Variants in BRWD1 observed in about 807,000 individuals in gnomAD.
BRWD1 encodes bromodomain and WD repeat-containing protein 1.
In BRWD1, 82 loss-of-function variants were observed where a neutral mutation model predicts 251.2. The ratio of observed to expected loss-of-function variants is 0.33; its 90% CI spans 0.27 to 0.39. The LOEUF is 0.39. Ranked by LOEUF, BRWD1 falls within the 10% of genes least tolerant of loss-of-function variation. The probability of loss-of-function intolerance (pLI) is 1.00; values close to 1 mark genes in which losing one functional copy is unlikely to be tolerated. For missense variants in BRWD1, 2,233 were observed against 2,711.6 expected (o/e 0.82, Z 3.92); for synonymous variants, 918 against 902.8 (o/e 1.02, Z -0.30).
At chr21:39,313,136 C>T (rs2036568776) in intron 2 of BRWD1, 35 bp from the exon 3 acceptor site, 2 of 1,495,108 alleles carry the variant, frequency 1.3e-6, no homozygotes, top group Non-Finnish European at 1.8e-6. Context: ...GGGGTGGGGT[C>T]GGGCCCGGGG....
At chr21:39,279,889 T>C (rs570999406) in intron 9 of BRWD1, among the ~76,000 whole-genome samples, 2 of 152,284 alleles carry the variant, frequency 1.3e-5, no homozygotes, top group East Asian at 3.9e-4. Flanking sequence ...ATACCTATTA[T>C]TTTAAATGCC....
intron 11 of BRWD1, 146 bp downstream of exon 11, chr21:39,277,105 T>C (rs190993030): frequency 1.5e-5 from 7 of 472,440 alleles, no homozygotes; most frequent in Non-Finnish European, 2.2e-5. Context: ...TAAAACTTAA[T>C]ACCATCAAAA....
chr21:39,310,254 G>A (rs1188730426), intron 4 of BRWD1, among the ~76,000 whole-genome samples: 2 of 152,186 alleles, frequency 1.3e-5, no homozygotes, highest in African/African-American at 2.4e-5. Flanking sequence ...AGTGGCTCAC[G>A]CCTGTAATCC....
chr21:39,202,072 C>T (rs1169487895), intron 38 of BRWD1, among the ~76,000 whole-genome samples: 1 of 152,256 alleles, frequency 6.6e-6, no homozygotes, highest in Non-Finnish European at 1.5e-5. Context: ...ACTTCAAATG[C>T]TGCACACCAA....
upstream of BRWD1, among the ~76,000 whole-genome samples, chr21:39,316,851 T>A (rs1299682154): frequency 7.2e-6 from 1 of 138,848 alleles, no homozygotes; most frequent in Non-Finnish European, 1.6e-5. Context: ...GGCATGAGAA[T>A]GGCTAGAGCC....
At chr21:39,215,423 A>T in intron 31 of BRWD1, 61 bp from the exon 32 acceptor site, 1 of 1,439,892 alleles carries the variant, frequency 6.9e-7, no homozygotes, top group Non-Finnish European at 9.6e-7. Context: ...CCAAGTGAAA[A>T]AATGCAGCAT....
chr21:39,312,740 C>A, intron 4 of BRWD1, 101 bp downstream of exon 4: 2 of 882,812 alleles, frequency 2.3e-6, no homozygotes, highest in East Asian at 3.6e-5. Flanking sequence ...CAGTGCGGGT[C>A]ACACTTTGCA....
intron 33 of BRWD1, 55 bp downstream of exon 33, chr21:39,213,413 ATTTTCTTCACTTT>A: frequency 2.5e-6 from 1 of 408,122 alleles, no homozygotes; most frequent in South Asian, 4.9e-5. Flanking sequence ...CAAAGCCAAC[ATTTTCTTCACTTT>A]AAAAATACCA....
intron 8 of BRWD1, among the ~76,000 whole-genome samples, chr21:39,286,083 C>T (rs1286724289): frequency 1.5e-5 from 2 of 133,490 alleles, no homozygotes; most frequent in East Asian, 2.2e-4. Context: ...GGTGCGATCT[C>T]GGCTCACTGC....
intron 8 of BRWD1, among the ~76,000 whole-genome samples, chr21:39,281,356 TC>T (rs373806972): frequency 2.6e-3 from 398 of 152,202 alleles, no homozygotes; most frequent in African/African-American, 9.1e-3. Context: ...TCCACCCTTC[TC>T]CCCCTAGAAT....
At position 39,278,760 on chromosome 21, in the gene BRWD1, C is replaced by A; in HGVS notation, c.986G>T (p.Cys329Phe). 6.3e-7 allele frequency: 1 copy of A among 1,586,650 alleles called. No individual in the cohort carries two copies. Among genetic ancestry groups the A allele is most frequent in the Non-Finnish European group, 8.5e-7 (1 of 1,170,372 alleles). ...EKPRPGVQML[C>F]SSFSVGGMFL... ...GTTCTTACCAACACTAAAAGAAGAA[C>A]AAAGCATTTGAACGCCTGGCCTAGG... Residue 329 changes from cysteine (C) to phenylalanine (F), a missense_variant, in exon 10 of 41, where the codon TGT becomes TTT. By Grantham distance (205) the Cys-to-Phe change is radical. This residue lies in a region of BRWD1 where 315 missense variants were observed against 421.8 expected (regional missense o/e 0.75). Transcript: ENST00000342449.
At chr21:39,239,685 T>G (rs574576656) in intron 21 of BRWD1, among the ~76,000 whole-genome samples, 1 of 152,184 alleles carries the variant, frequency 6.6e-6, no homozygotes, top group African/African-American at 2.4e-5. Context: ...AAAAATCAGT[T>G]TGTCAGTAAA....
rs775860436 is a variant in BRWD1 at position 39,187,264 on chromosome 21, A to G, written c.*8995T>C. ...TTCTTTTAGATTACTCATTATCTTT[A>G]TTTTATTTGCAGCAACAGTAGCACA... On this transcript the variant is annotated 3_prime_UTR_variant, in exon 41 of 41. Coordinates refer to ENST00000342449, the MANE Select transcript of BRWD1 (RefSeq NM_033656.4). 6.2e-7 allele frequency: 1 copy of G among 1,613,794 alleles called. No homozygotes were observed. Among genetic ancestry groups the G allele is most frequent in the Non-Finnish European group, 8.5e-7 (1 of 1,179,874 alleles).
At chr21:39,263,972 T>C (rs755575556) in intron 17 of BRWD1, among the ~76,000 whole-genome samples, 6 of 152,126 alleles carry the variant, frequency 3.9e-5, no homozygotes, top group Non-Finnish European at 8.8e-5. Flanking sequence ...CAAACCCAGA[T>C]TGAGGCCTTC....
intron 21 of BRWD1, among the ~76,000 whole-genome samples, chr21:39,245,763 C>G (rs2034166890): frequency 6.6e-6 from 1 of 152,092 alleles, no homozygotes; most frequent in Non-Finnish European, 1.5e-5. Context: ...CCACGTCAAA[C>G]TAAATTTTGT....
At chr21:39,300,847 T>G (rs2036090837) in intron 4 of BRWD1, among the ~76,000 whole-genome samples, 1 of 152,192 alleles carries the variant, frequency 6.6e-6, no homozygotes, top group Admixed American at 6.5e-5. Context: ...ACTTGGGACT[T>G]TAATTACACA....
rs751440766 is a variant in BRWD1 at position 39,247,553 on chromosome 21, TTTG to T, written c.2481+145_2481+147del. ...GTGACTATCTTAGCCATTAAAAGTT[TTTG>T]TTAACATTCAAAATGTGAAATTTCA... On this transcript the variant is annotated intron_variant, in intron 21 of 40. Coordinates refer to ENST00000342449, the MANE Select transcript of BRWD1 (RefSeq NM_033656.4). 8.5e-5 allele frequency: 74 copies of T among 871,422 alleles called. No homozygotes were observed. In the East Asian group the frequency reaches 9.1e-4, roughly 11 times the overall value. The allele number at this position is 871,422 out of a possible 1,614,324, so 54.0% of individuals were successfully genotyped here.
At chr21:39,296,426 GAATA>G in intron 5 of BRWD1, 63 bp from the exon 6 acceptor site, 1 of 1,466,518 alleles carries the variant, frequency 6.8e-7, no homozygotes, top group Non-Finnish European at 9.0e-7. Flanking sequence ...AGATTTTATA[GAATA>G]CTTACGTATA....
Position 39,195,887 on chromosome 21 carries a change from C to A in BRWD1, c.*372G>T. 1 of 1,001,780 alleles carries A rather than the reference C, an allele frequency of 1.0e-6. No homozygotes were observed. Among genetic ancestry groups the A allele is most frequent in the African/African-American group, 1.7e-5 (1 of 57,626 alleles). The allele number at this position is 1,001,780 out of a possible 1,614,324, so 62.1% of individuals were successfully genotyped here. On this transcript the variant is annotated 3_prime_UTR_variant, in exon 41 of 41. Transcript: ENST00000342449. The stretch of plus-strand genomic sequence containing the variant: ...ACTACTATAGAACAGGGGTTAGAAA[C>A]TACTGCCTCTTTGACAAATTCAGAA...
Sources: allele counts gnomAD v4.1 joint callset (sites outside exome capture counted in the v4.1 genomes callset), GRCh38; gene constraint gnomAD v4.1.1; regional missense constraint gnomAD v4.1.1; transcripts MANE v1.5; gene names NCBI Gene and HGNC (gene_info 2026-07-23, HGNC 2026-07-21).